The following RGS6 variants were observed in gnomAD, a reference collection of about 807,000 sequenced individuals.
The protein encoded by RGS6 is regulator of G protein signaling 6, also known as regulator of G-protein signaling 6.
In RGS6, 30 loss-of-function variants were observed where a neutral mutation model predicts 78.5. The observed-to-expected ratio is 0.38, with a 90% CI of 0.29 to 0.52. The LOEUF (loss-of-function observed/expected upper bound fraction) is 0.52, where lower values mean the gene tolerates loss of function less well. Among genes scored for constraint, RGS6 ranks in the 20% least tolerant of loss-of-function variants. RGS6 has a pLI of 0.85. For missense variants in RGS6, 495 were observed against 609.7 expected, an observed-to-expected ratio of 0.81 and a Z score of 1.98; for synonymous variants, 206 against 206.0, an observed-to-expected ratio of 1.00 and a Z score of 0.00.
intron 12 of RGS6, among the ~76,000 whole-genome samples, chr14:72,489,248 C>G (rs534868536): frequency 6.6e-6 from 1 of 150,970 alleles, no homozygotes; most frequent in Admixed American, 6.7e-5. Flanking sequence ...AATATGTCAT[C>G]GTGACTCAGA....
intron 2 of RGS6, among the ~76,000 whole-genome samples, chr14:72,021,753 T>A (rs561071174): frequency 3.3e-4 from 50 of 152,040 alleles, no homozygotes; most frequent in African/African-American, 1.1e-3. Context: ...ATTACAGGTG[T>A]GGGCCACTGC....
intron 2 of RGS6, among the ~76,000 whole-genome samples, chr14:72,029,801 A>C (rs1242151078): frequency 6.6e-6 from 1 of 152,192 alleles, no homozygotes; most frequent in Non-Finnish European, 1.5e-5. Context: ...GGAGACAGGA[A>C]GGTCAAGTGC....
intron 14 of RGS6, among the ~76,000 whole-genome samples, chr14:72,517,289 C>T (rs754871555): frequency 6.6e-6 from 1 of 152,158 alleles, no homozygotes; most frequent in African/African-American, 2.4e-5. Context: ...CCGCTGCTCT[C>T]GGAACCAGCA....
intron 2 of RGS6, among the ~76,000 whole-genome samples, chr14:72,021,630 G>A (rs1158713632): frequency 1.3e-5 from 2 of 150,856 alleles, no homozygotes; most frequent in Admixed American, 1.3e-4. Flanking sequence ...CACCACACCT[G>A]GCTTATTTTT....
the RGS6 span, among the ~76,000 whole-genome samples, chr14:72,579,718 G>A: frequency 6.6e-6 from 1 of 152,188 alleles, no homozygotes; most frequent in Non-Finnish European, 1.5e-5. Flanking sequence ...TGTTGGCCCT[G>A]ATCACAAGGT....
chr14:71,944,183 C>T (rs1262906416), intron 1 of RGS6, among the ~76,000 whole-genome samples: 1 of 152,202 alleles, frequency 6.6e-6, no homozygotes, highest in Non-Finnish European at 1.5e-5. Context: ...CAAAAACTTG[C>T]TCAGCCTACA....
chr14:72,556,803 ATTC>A (rs1490755078), intron 17 of RGS6, among the ~76,000 whole-genome samples: 1 of 152,202 alleles, frequency 6.6e-6, no homozygotes, highest in African/African-American at 2.4e-5. Flanking sequence ...CCATTTATTA[ATTC>A]TTTAATCAGT....
At chr14:71,904,937 T>C in the RGS6 span, among the ~76,000 whole-genome samples, 1 of 152,178 alleles carries the variant, frequency 6.6e-6, no homozygotes, top group Non-Finnish European at 1.5e-5. Context: ...TAGCATAGTT[T>C]TTCCTCAGGC....
intron 2 of RGS6, among the ~76,000 whole-genome samples, chr14:72,159,028 G>C (rs1334322418): frequency 6.6e-6 from 1 of 152,176 alleles, no homozygotes; most frequent in East Asian, 1.9e-4. Flanking sequence ...ACCTAATATA[G>C]TGCTTAGAGT....
At chr14:72,508,306 G>A (rs1448038249) in intron 13 of RGS6, among the ~76,000 whole-genome samples, 2 of 152,174 alleles carry the variant, frequency 1.3e-5, no homozygotes, top group Non-Finnish European at 2.9e-5. Context: ...GTCTAGAGCT[G>A]CATACCAATA....
At chr14:72,300,325 A>G (rs2152399402) in intron 2 of RGS6, among the ~76,000 whole-genome samples, 1 of 152,318 alleles carries the variant, frequency 6.6e-6, no homozygotes, top group East Asian at 1.9e-4. Flanking sequence ...CAGAAAGGTG[A>G]AATAGATTGC....
intron 2 of RGS6, among the ~76,000 whole-genome samples, chr14:71,978,949 T>C (rs2094301822): frequency 6.8e-6 from 1 of 146,700 alleles, no homozygotes; most frequent in African/African-American, 2.5e-5. Flanking sequence ...GATCCTGTTA[T>C]TGGTCTATTC....
chr14:72,397,482 A>AC, intron 3 of RGS6, among the ~76,000 whole-genome samples: 1 of 152,056 alleles, frequency 6.6e-6, no homozygotes, highest in South Asian at 2.1e-4. Context: ...ATATACAATC[A>AC]TGTCATCTGC....
chr14:72,164,547 C>G (rs2153667902), intron 2 of RGS6, among the ~76,000 whole-genome samples: 1 of 152,298 alleles, frequency 6.6e-6, no homozygotes, highest in East Asian at 1.9e-4. Flanking sequence ...TTCGCCACAA[C>G]CCATTGATAT....
chr14:72,411,226 T>A (rs1465190171), intron 3 of RGS6, among the ~76,000 whole-genome samples: 1 of 152,228 alleles, frequency 6.6e-6, no homozygotes, highest in Non-Finnish European at 1.5e-5. Flanking sequence ...TGCATTTGTT[T>A]GTATCCTCTT....
intron 3 of RGS6, among the ~76,000 whole-genome samples, chr14:72,411,810 A>C (rs1416653336): frequency 6.6e-6 from 1 of 152,198 alleles, no homozygotes; most frequent in Non-Finnish European, 1.5e-5. Flanking sequence ...CCTTTTCTGC[A>C]TCTATTGAGA....
chr14:72,257,420 CAGGT>C (rs2057300557), intron 2 of RGS6, among the ~76,000 whole-genome samples: 1 of 152,058 alleles, frequency 6.6e-6, no homozygotes, highest in Non-Finnish European at 1.5e-5. Context: ...AGTCGTTTAT[CAGGT>C]CTAGGAGTCT....
intron 17 of RGS6, among the ~76,000 whole-genome samples, chr14:72,543,588 C>T (rs780801564): frequency 6.6e-6 from 1 of 152,206 alleles, no homozygotes; most frequent in Non-Finnish European, 1.5e-5. Flanking sequence ...AAGTCTCAGG[C>T]ATTACTGACC....
chr14:72,033,155 A>G (rs1210726912), intron 2 of RGS6, among the ~76,000 whole-genome samples: 1 of 152,226 alleles, frequency 6.6e-6, no homozygotes, highest in Non-Finnish European at 1.5e-5. Context: ...TCAATTTTAT[A>G]GCAAAGTGTT....
Sources: allele counts gnomAD v4.1 joint callset (sites outside exome capture counted in the v4.1 genomes callset), GRCh38; gene constraint gnomAD v4.1.1; transcripts MANE v1.5; gene names NCBI Gene and HGNC (gene_info 2026-07-23, HGNC 2026-07-21).